CSMD3: variants seen among roughly 807,000 people sequenced by gnomAD.
CSMD3 encodes CUB and sushi domain-containing protein 3.
CSMD3 carries 177 observed loss-of-function variants against 435.2 expected under a neutral mutation model. The observed-to-expected ratio is 0.41, with a 90% CI of 0.36 to 0.46. The LOEUF (loss-of-function observed/expected upper bound fraction) is 0.46. CSMD3 is among the 20% of genes least tolerant of loss of function. The pLI, the probability that CSMD3 is intolerant of heterozygous loss-of-function variation, is 0.34. For synonymous variants in CSMD3, 1,656 were observed against 1,520.5 expected (o/e 1.09, Z -2.07); for missense variants, 4,265 against 4,504.6 (o/e 0.95, Z 1.52).
chr8:113,037,624 T>A (rs1436751352), intron 5 of CSMD3, among the ~76,000 whole-genome samples: 1 of 152,138 alleles, frequency 6.6e-6, no homozygotes, highest in African/African-American at 2.4e-5. Flanking sequence ...AAATGACAAA[T>A]GTATTGGTAT....
chr8:113,089,518 A>C (rs2089928705), intron 5 of CSMD3, among the ~76,000 whole-genome samples: 1 of 152,192 alleles, frequency 6.6e-6, no homozygotes, highest in African/African-American at 2.4e-5. Context: ...ATATGTAATT[A>C]TCTTGTTAAA....
intron 5 of CSMD3, among the ~76,000 whole-genome samples, chr8:113,074,953 G>A (rs186938996): frequency 1.3e-5 from 2 of 151,754 alleles, no homozygotes; most frequent in African/African-American, 4.8e-5. Flanking sequence ...GTTAAATATT[G>A]CATTTAAACA....
chr8:113,233,849 T>C (rs923864586), intron 3 of CSMD3, among the ~76,000 whole-genome samples: 1 of 152,114 alleles, frequency 6.6e-6, no homozygotes, highest in African/African-American at 2.4e-5. Context: ...AATTTGACGG[T>C]TGCTGACAGA....
intron 12 of CSMD3, among the ~76,000 whole-genome samples, chr8:112,817,544 C>T (rs190647197): frequency 3.3e-4 from 50 of 152,148 alleles, no homozygotes; most frequent in African/African-American, 1.1e-3. Context: ...ATATTCTGAT[C>T]TCTATTGACT....
At position 112,900,524 on chromosome 8, in the gene CSMD3, G is replaced by A. The variant is rs924664139; in HGVS notation, c.1633+21103C>T. ...TGATACTGTGGAAGTTGGGGGTCAA[G>A]GAAGTGGCACTGAGGCTAATACTGT... On this transcript the variant is annotated intron_variant, in intron 10 of 70. Coordinates refer to ENST00000297405, the MANE Select transcript of CSMD3 (RefSeq NM_198123.2). Among the ~76,000 whole-genome samples the A allele has an allele frequency of 2.6e-5, 4 of 151,230 alleles. No homozygotes were observed. The East Asian group carries it at 5.9e-4, about 22-fold the overall frequency.
intron 2 of CSMD3, among the ~76,000 whole-genome samples, chr8:113,302,279 TATA>T (rs2093776978): frequency 1.0e-4 from 1 of 9,982 alleles, no homozygotes. Flanking sequence ...AATATATAAT[TATA>T]ATATATAATA....
chr8:112,522,677 G>C (rs1296800225), intron 27 of CSMD3, among the ~76,000 whole-genome samples: 1 of 151,860 alleles, frequency 6.6e-6, no homozygotes, highest in East Asian at 1.9e-4. Flanking sequence ...TTTATTTCAA[G>C]TGTGCCATAA....
rs576463760 is a variant in CSMD3 at position 112,529,680 on chromosome 8, G to C, written c.4565-12455C>G. The stretch of plus-strand genomic sequence containing the variant: ...GACTCTAGAATCTCTGGCCAGGCTG[G>C]TTGATGGTGGTCTTCTCTGGTACAA... On this transcript the variant is annotated intron_variant, in intron 27 of 70. Transcript: ENST00000297405. Among the ~76,000 whole-genome samples, 45 of 152,152 alleles carry C rather than the reference G, an allele frequency of 3.0e-4. No homozygotes were observed. The South Asian group carries it at 5.6e-3, about 19-fold the overall frequency.
chr8:112,262,485 G>A (rs188817343), intron 61 of CSMD3, among the ~76,000 whole-genome samples: 250 of 152,180 alleles, frequency 1.6e-3, no homozygotes, highest in Non-Finnish European at 3.2e-3. Context: ...AACAAGATAA[G>A]TAAAATGTAT....
At chr8:112,764,088 T>C (rs2077915277) in intron 13 of CSMD3, among the ~76,000 whole-genome samples, 1 of 151,492 alleles carries the variant, frequency 6.6e-6, no homozygotes, top group Admixed American at 6.6e-5. Context: ...TCCAACAGGA[T>C]TAATACAAGT....
intron 3 of CSMD3, among the ~76,000 whole-genome samples, chr8:113,241,056 T>C: frequency 6.6e-6 from 1 of 152,244 alleles, no homozygotes; most frequent in East Asian, 1.9e-4. Flanking sequence ...ATTGTTTTGC[T>C]TTTTTTGCCA....
At chr8:112,825,012 G>A (rs1399772462) in intron 12 of CSMD3, among the ~76,000 whole-genome samples, 4 of 151,892 alleles carry the variant, frequency 2.6e-5, no homozygotes, top group Non-Finnish European at 5.9e-5. Context: ...CCTTTTCATT[G>A]TTTTTTATTT....
Position 112,870,655 on chromosome 8 carries a change from T to C in CSMD3, c.1634-11389A>G, listed in dbSNP as rs2081109685. Among the ~76,000 whole-genome samples the C allele has an allele frequency of 3.9e-5, 6 of 152,164 alleles. No individual in the cohort carries two copies. In the South Asian group the frequency reaches 1.2e-3, roughly 32 times the overall value. On this transcript the variant is annotated intron_variant, in intron 10 of 70. Coordinates refer to ENST00000297405, the MANE Select transcript of CSMD3 (RefSeq NM_198123.2). ...AAAATGACTATTAGATAATATGTTT[T>C]TAATTCATTTGTGAAGGCTGAGTGC...
At chr8:112,612,949 T>A (rs1833383543) in intron 22 of CSMD3, among the ~76,000 whole-genome samples, 1 of 151,412 alleles carries the variant, frequency 6.6e-6, no homozygotes, top group Non-Finnish European at 1.5e-5. Flanking sequence ...AGGGGGATGG[T>A]TGAAGGGGTG....
chr8:113,430,557 A>G (rs1301446843), intron 1 of CSMD3, among the ~76,000 whole-genome samples: 1 of 152,152 alleles, frequency 6.6e-6, no homozygotes, highest in Non-Finnish European at 1.5e-5. Flanking sequence ...TGTTTAAACC[A>G]TCAGTGTCTG....
chr8:112,473,469 G>A (rs559108717), intron 31 of CSMD3, among the ~76,000 whole-genome samples: 2 of 152,214 alleles, frequency 1.3e-5, no homozygotes, highest in African/African-American at 4.8e-5. Flanking sequence ...AAAGTATGTA[G>A]AATGAGAAAA....
intron 1 of CSMD3, among the ~76,000 whole-genome samples, chr8:113,383,488 G>C (rs2094426175): frequency 1.3e-5 from 2 of 152,162 alleles, no homozygotes; most frequent in African/African-American, 4.8e-5. Context: ...GCCTGGTTGA[G>C]TGGAAAGAGG....
At chr8:112,788,312 C>T (rs980561257) in intron 13 of CSMD3, among the ~76,000 whole-genome samples, 1 of 151,990 alleles carries the variant, frequency 6.6e-6, no homozygotes, top group Non-Finnish European at 1.5e-5. Context: ...ATGGCATGTT[C>T]TTTCCTGTCT....
In CSMD3 at chr8:112,871,713, C is replaced by T. The variant is rs945415926; in HGVS notation, c.1634-12447G>A. On this transcript the variant is annotated intron_variant, in intron 10 of 70. Transcript: ENST00000297405. The stretch of plus-strand genomic sequence containing the variant: ...GAGTGTCAAGATTTTAGTCTTTCTA[C>T]ACAATATTTGGTGTATACTTTCAAT... Among the ~76,000 whole-genome samples the T allele has an allele frequency of 2.0e-5, 3 of 152,018 alleles. No individual in the cohort carries two copies. In the East Asian group the frequency reaches 5.8e-4, roughly 29 times the overall value.
Sources: allele counts gnomAD v4.1 joint callset (sites outside exome capture counted in the v4.1 genomes callset), GRCh38; gene constraint gnomAD v4.1.1; transcripts MANE v1.5; gene names NCBI Gene and HGNC (gene_info 2026-07-23, HGNC 2026-07-21).